Variants in ANO2 observed in about 807,000 individuals in gnomAD.
The protein encoded by ANO2 is anoctamin 2, also known as anoctamin-2.
ANO2 carries 101 observed loss-of-function variants against 124.2 expected under a neutral mutation model. That is an observed-to-expected ratio of 0.81 (90% CI 0.69 to 0.96). The LOEUF is 0.96. Ranked by LOEUF, ANO2 falls within the 40% of genes least tolerant of loss-of-function variation. ANO2 has a pLI of 0.00. For missense variants in ANO2, 1,293 were observed against 1,274.5 expected (o/e 1.01, Z -0.22); for synonymous variants, 486 against 482.5 (o/e 1.01, Z -0.09).
At chr12:5,756,608 G>A (rs1951588141) in intron 10 of ANO2, among the ~76,000 whole-genome samples, 1 of 152,224 alleles carries the variant, frequency 6.6e-6, no homozygotes, top group Non-Finnish European at 1.5e-5. Context: ...GGGGTCCAAG[G>A]GTGGATCTGC....
chr12:5,590,439 G>A (rs1943338846), intron 20 of ANO2, among the ~76,000 whole-genome samples: 2 of 152,156 alleles, frequency 1.3e-5, no homozygotes, highest in Admixed American at 1.3e-4. Context: ...GAGGATGGTG[G>A]GGCCATTAAT....
chr12:5,683,874 A>T (rs901543829), intron 14 of ANO2, among the ~76,000 whole-genome samples: 1 of 152,042 alleles, frequency 6.6e-6, no homozygotes. Context: ...CTGACCAGGT[A>T]GCCTGGCTCT....
chr12:5,628,455 A>T (rs75024081), intron 16 of ANO2, among the ~76,000 whole-genome samples: 1,686 of 152,334 alleles, frequency 0.011, 14 homozygotes, highest in Non-Finnish European at 0.018. Flanking sequence ...AAGGCACTAG[A>T]GTGTCATGGT....
chr12:5,637,586 T>C (rs1946091063), intron 15 of ANO2, among the ~76,000 whole-genome samples: 1 of 152,132 alleles, frequency 6.6e-6, no homozygotes, highest in Non-Finnish European at 1.5e-5. Context: ...GCTGGAAGCT[T>C]GATTGAAATG....
At chr12:5,604,503 G>A (rs1193652420) in intron 19 of ANO2, among the ~76,000 whole-genome samples, 2 of 152,132 alleles carry the variant, frequency 1.3e-5, no homozygotes, top group Non-Finnish European at 2.9e-5. Flanking sequence ...AAAAGTTATG[G>A]GATGGGATAG....
intron 8 of ANO2, 33 bp downstream of exon 8, chr12:5,807,279 CT>C: frequency 6.5e-7 from 1 of 1,541,218 alleles, no homozygotes; most frequent in Non-Finnish European, 8.8e-7. Context: ...GTTTTGAAGA[CT>C]ACAGAGAGCA....
chr12:5,916,380 T>C (rs1400186456), intron 3 of ANO2, among the ~76,000 whole-genome samples: 1 of 150,534 alleles, frequency 6.6e-6, no homozygotes, highest in Non-Finnish European at 1.5e-5. Context: ...GAATGGGCTA[T>C]AAAACAGTAC....
chr12:5,630,130 G>T (rs1204941416), intron 16 of ANO2, among the ~76,000 whole-genome samples: 1 of 152,172 alleles, frequency 6.6e-6, no homozygotes, highest in African/African-American at 2.4e-5. Flanking sequence ...AGCCCTGTGG[G>T]AAACACTTGG....
chr12:5,921,416 G>A, intron 2 of ANO2, 50 bp from the exon 3 acceptor site: 2 of 1,552,694 alleles, frequency 1.3e-6, no homozygotes, highest in Non-Finnish European at 8.8e-7. Flanking sequence ...AGTAAGGGGT[G>A]AGAAACAGAG....
chr12:5,630,707 T>C (rs769509577), intron 16 of ANO2, among the ~76,000 whole-genome samples: 9 of 152,166 alleles, frequency 5.9e-5, no homozygotes, highest in Non-Finnish European at 1.2e-4. Context: ...TTGACAAAAA[T>C]GTGCTAAGAT....
intron 8 of ANO2, among the ~76,000 whole-genome samples, chr12:5,806,683 G>C (rs1257859003): frequency 6.6e-6 from 1 of 152,174 alleles, no homozygotes; most frequent in Non-Finnish European, 1.5e-5. Flanking sequence ...TTGTATCATG[G>C]TATGTTCGTA....
chr12:5,626,704 G>A (rs1042280245), intron 16 of ANO2, among the ~76,000 whole-genome samples: 16 of 152,202 alleles, frequency 1.1e-4, no homozygotes, highest in African/African-American at 3.9e-4. Context: ...ACAAGGAGAG[G>A]AAATGGCATG....
intron 14 of ANO2, among the ~76,000 whole-genome samples, chr12:5,687,864 A>AG (rs1351144951): frequency 2.4e-5 from 1 of 41,046 alleles, no homozygotes; most frequent in Non-Finnish European, 5.6e-5. Context: ...CAGGACTGCC[A>AG]AAACAACAAC....
intron 14 of ANO2, among the ~76,000 whole-genome samples, chr12:5,678,448 G>A (rs1481699998): frequency 6.6e-6 from 1 of 152,196 alleles, no homozygotes; most frequent in Non-Finnish European, 1.5e-5. Flanking sequence ...GGGTTAGGAA[G>A]CCAAATTCTC....
In ANO2 at chr12:5,663,781, G is replaced by T. The variant is rs1203101527; in HGVS notation, c.1546-15980C>A. Reference sequence around the variant, plus strand: ...GGAATTTGTTCTGACCCTCAAGAGGGGTTAAGATACACTGATAGGCTGGTC... The same window carrying T: ...GGAATTTGTTCTGACCCTCAAGAGGTGTTAAGATACACTGATAGGCTGGTC... On this transcript the variant is annotated intron_variant, in intron 14 of 24. Coordinates refer to ENST00000682330, the MANE Select transcript of ANO2 (RefSeq NM_001364791.2). Among the ~76,000 whole-genome samples the T allele has an allele frequency of 8.5e-5, 13 of 152,172 alleles. No individual in the cohort carries two copies. The East Asian group carries it at 2.3e-3, about 27-fold the overall frequency.
intron 23 of ANO2, among the ~76,000 whole-genome samples, chr12:5,575,191 C>T (rs1942329181): frequency 6.6e-6 from 1 of 152,222 alleles, no homozygotes; most frequent in African/African-American, 2.4e-5. Context: ...ATGGTCCATA[C>T]ATAAGCTCAC....
intron 23 of ANO2, among the ~76,000 whole-genome samples, chr12:5,568,358 G>A (rs188656385): frequency 4.2e-3 from 640 of 151,830 alleles, no homozygotes; most frequent in Non-Finnish European, 5.5e-3. Flanking sequence ...AGCCAAGATG[G>A]TCTCGATCTC....
In ANO2 at chr12:5,722,396, A is replaced by G. The variant is rs551318843; in HGVS notation, c.1545+10124T>C. Among the ~76,000 whole-genome samples, 346 of 152,236 alleles carry G rather than the reference A, an allele frequency of 2.3e-3. 2 individuals carry two copies. The highest frequency in any genetic ancestry group is 7.6e-3 in the African/African-American group (317 of 41,550). ...GTGGCGGGCGCCTGTAGTCCCAGCT[A>G]CTCAGGAGGCTGAGGCAGGAGAATG... On this transcript the variant is annotated intron_variant, in intron 14 of 24. Transcript: ENST00000682330.
intron 10 of ANO2, among the ~76,000 whole-genome samples, chr12:5,792,358 T>G (rs1952722384): frequency 6.6e-6 from 1 of 152,200 alleles, no homozygotes; most frequent in South Asian, 2.1e-4. Context: ...TCTTCCTTGT[T>G]TAAGTCCGAC....
Sources: allele counts gnomAD v4.1 joint callset (sites outside exome capture counted in the v4.1 genomes callset), GRCh38; gene constraint gnomAD v4.1.1; transcripts MANE v1.5; gene names NCBI Gene and HGNC (gene_info 2026-07-23, HGNC 2026-07-21).